PDE10A: variants seen among roughly 807,000 people sequenced by gnomAD.
PDE10A encodes phosphodiesterase 10A.
Under a neutral mutation model 97.7 loss-of-function variants are expected in PDE10A, and 39 were observed. The observed-to-expected ratio is 0.40, with a 90% CI of 0.31 to 0.52. The LOEUF (loss-of-function observed/expected upper bound fraction) is 0.52, where lower values mean the gene tolerates loss of function less well. PDE10A is among the 20% of genes least tolerant of loss of function. The pLI is 0.56. For missense variants in PDE10A, 731 were observed against 1,047.8 expected, an observed-to-expected ratio of 0.70 and a Z score of 4.17; for synonymous variants, 371 against 376.8, an observed-to-expected ratio of 0.98 and a Z score of 0.18.
intron 1 of PDE10A, among the ~76,000 whole-genome samples, chr6:165,805,480 G>T (rs1779109491): frequency 6.6e-6 from 1 of 152,188 alleles, no homozygotes; most frequent in Middle Eastern, 3.2e-3. Flanking sequence ...GCCTCTCCCA[G>T]CCGCGCCACG....
intron 20 of PDE10A, among the ~76,000 whole-genome samples, chr6:165,337,265 G>T (rs1781707163): frequency 6.6e-6 from 1 of 152,180 alleles, no homozygotes; most frequent in Non-Finnish European, 1.5e-5. Context: ...AGCTTGTCTA[G>T]TCATAAGTCA....
chr6:165,764,784 C>A (rs1353745323), intron 1 of PDE10A, among the ~76,000 whole-genome samples: 1 of 152,120 alleles, frequency 6.6e-6, no homozygotes, highest in African/African-American at 2.4e-5. Context: ...TATTGCAAAG[C>A]GTGAAAGAAC....
At chr6:165,444,529 C>A (rs1790698787) in intron 5 of PDE10A, among the ~76,000 whole-genome samples, 1 of 152,024 alleles carries the variant, frequency 6.6e-6, no homozygotes, top group East Asian at 1.9e-4. Context: ...CTTCAATGTA[C>A]CAGAATAAAA....
chr6:165,638,165 T>A (rs1356153815), intron 1 of PDE10A, among the ~76,000 whole-genome samples: 2 of 152,192 alleles, frequency 1.3e-5, no homozygotes, highest in Non-Finnish European at 2.9e-5. Context: ...GGAAAGCCTC[T>A]TACTTCCCAC....
intron 1 of PDE10A, among the ~76,000 whole-genome samples, chr6:165,916,572 G>T (rs1256795478): frequency 6.6e-6 from 1 of 152,216 alleles, no homozygotes; most frequent in Non-Finnish European, 1.5e-5. Flanking sequence ...TGACAAAGGA[G>T]CAAAGAAAAT....
At chr6:165,686,222 A>G (rs923919455) in intron 1 of PDE10A, among the ~76,000 whole-genome samples, 1 of 151,758 alleles carries the variant, frequency 6.6e-6, no homozygotes, top group African/African-American at 2.4e-5. Context: ...AGCGCTCGCT[A>G]CACTCCAAAG....
chr6:165,957,784 C>G (rs765037719), intron 1 of PDE10A, among the ~76,000 whole-genome samples: 1 of 152,180 alleles, frequency 6.6e-6, no homozygotes, highest in Non-Finnish European at 1.5e-5. Context: ...CAGAAATGTT[C>G]AGACATGAAT....
chr6:165,622,264 GTGTT>G (rs1159044392), intron 1 of PDE10A, among the ~76,000 whole-genome samples: 1 of 145,768 alleles, frequency 6.9e-6, no homozygotes, highest in Non-Finnish European at 1.5e-5. Flanking sequence ...CTGTATATGT[GTGTT>G]TGTGAGTGTG....
chr6:165,348,227 T>C (rs528111623), intron 18 of PDE10A, among the ~76,000 whole-genome samples: 9 of 152,302 alleles, frequency 5.9e-5, no homozygotes, highest in African/African-American at 1.7e-4. Flanking sequence ...ATCTTTACAA[T>C]TTGTGTTTAC....
At chr6:165,617,122 T>C (rs1025989075) in intron 1 of PDE10A, among the ~76,000 whole-genome samples, 3 of 152,146 alleles carry the variant, frequency 2.0e-5, no homozygotes, top group African/African-American at 7.2e-5. Context: ...CATCCTTAAA[T>C]GGAAATGCCA....
chr6:165,710,606 C>A (rs1352897029), intron 1 of PDE10A, among the ~76,000 whole-genome samples: 9 of 152,130 alleles, frequency 5.9e-5, no homozygotes, highest in Admixed American at 6.5e-5. Flanking sequence ...CATTTCATAA[C>A]GTTTTTGAAT....
chr6:165,850,781 C>T (rs1202732011), intron 1 of PDE10A, among the ~76,000 whole-genome samples: 3 of 152,056 alleles, frequency 2.0e-5, no homozygotes, highest in Non-Finnish European at 2.9e-5. Context: ...TATTTAATTT[C>T]AATAATTTAT....
intron 1 of PDE10A, among the ~76,000 whole-genome samples, chr6:165,727,056 A>C (rs1419661549): frequency 1.3e-5 from 2 of 152,080 alleles, no homozygotes; most frequent in Non-Finnish European, 2.9e-5. Context: ...CCTGCCCTGC[A>C]CCCAGGCTGC....
At chr6:165,463,413 C>A (rs769417718) in intron 3 of PDE10A, among the ~76,000 whole-genome samples, 1 of 152,214 alleles carries the variant, frequency 6.6e-6, no homozygotes, top group Non-Finnish European at 1.5e-5. Context: ...TTTAAAGCAT[C>A]CCAGGCACGC....
chr6:165,926,687 T>C (rs903739129), intron 1 of PDE10A, among the ~76,000 whole-genome samples: 3 of 147,394 alleles, frequency 2.0e-5, no homozygotes, highest in African/African-American at 7.5e-5. Flanking sequence ...TTCCACCCAA[T>C]CCCACCCAAT....
chr6:165,455,544 C>T (rs1212444806), intron 3 of PDE10A, among the ~76,000 whole-genome samples: 4 of 152,190 alleles, frequency 2.6e-5, no homozygotes, highest in Admixed American at 2.0e-4. Context: ...CCAAGCAATT[C>T]TTAGGCTGCA....
At chr6:165,920,777 A>G (rs1190558597) in intron 1 of PDE10A, among the ~76,000 whole-genome samples, 1 of 151,662 alleles carries the variant, frequency 6.6e-6, no homozygotes, top group Non-Finnish European at 1.5e-5. Flanking sequence ...TATTTGCTTC[A>G]CTCTGAATAA....
chr6:165,758,890 CCTT>C (rs1307240972), intron 1 of PDE10A, among the ~76,000 whole-genome samples: 2 of 151,700 alleles, frequency 1.3e-5, no homozygotes, highest in East Asian at 3.9e-4. Flanking sequence ...CAGTTCTTCT[CCTT>C]ATCACATTGT....
chr6:165,606,047 C>A (rs540309993), intron 1 of PDE10A, among the ~76,000 whole-genome samples: 2 of 150,192 alleles, frequency 1.3e-5, no homozygotes, highest in East Asian at 2.0e-4. Context: ...GCAGCAGGTG[C>A]GTGGGGATGT....
Sources: allele counts gnomAD v4.1 joint callset (sites outside exome capture counted in the v4.1 genomes callset), GRCh38; gene constraint gnomAD v4.1.1; transcripts MANE v1.5; gene names NCBI Gene and HGNC (gene_info 2026-07-23, HGNC 2026-07-21).